Variants in NPAS2 observed in about 807,000 individuals in gnomAD.
NPAS2 encodes the protein neuronal PAS domain protein 2.
Under a neutral mutation model 107.5 loss-of-function variants are expected in NPAS2, and 23 were observed. The ratio of observed to expected loss-of-function variants is 0.21; its 90% confidence interval spans 0.15 to 0.30. NPAS2 has a LOEUF of 0.30. NPAS2 is among the 10% of genes least tolerant of loss of function. The pLI, the probability that NPAS2 is intolerant of heterozygous loss-of-function variation, is 1.00. For missense variants in NPAS2, 756 were observed against 1,043.3 expected (o/e 0.72, Z 3.79); for synonymous variants, 403 against 417.5 (o/e 0.97, Z 0.42).
intron 7 of NPAS2, among the ~76,000 whole-genome samples, chr2:100,960,017 CAT>C (rs1177606937): frequency 6.6e-6 from 1 of 152,204 alleles, no homozygotes; most frequent in Admixed American, 6.5e-5. Flanking sequence ...TTCCTGCCCT[CAT>C]AGTCATCTTT....
At chr2:100,818,835 G>A (rs1009720034), upstream of NPAS2, among the ~76,000 whole-genome samples, 1 of 152,230 alleles carries the variant, frequency 6.6e-6, no homozygotes, top group African/African-American at 2.4e-5. Flanking sequence ...GTGGGAGCGG[G>A]CAGGGGGACC....
chr2:100,905,706 G>T (rs1682105642), intron 2 of NPAS2, among the ~76,000 whole-genome samples: 1 of 152,156 alleles, frequency 6.6e-6, no homozygotes, highest in African/African-American at 2.4e-5. Context: ...CACTGCTTGT[G>T]TGTGGCAGGG....
At chr2:100,959,089 C>CAAAAAAAAA (rs758460503) in intron 7 of NPAS2, among the ~76,000 whole-genome samples, 8 of 47,684 alleles carry the variant, frequency 1.7e-4, no homozygotes, top group African/African-American at 6.3e-4. Flanking sequence ...CCCATCTCTT[C>CAAAAAAAAA]AAAAAAAAAA....
chr2:100,969,896 AC>A (rs1558923150), intron 11 of NPAS2, among the ~76,000 whole-genome samples: 1 of 152,220 alleles, frequency 6.6e-6, no homozygotes, highest in Non-Finnish European at 1.5e-5. Flanking sequence ...TTAGGGAACC[AC>A]CAATATGTCC....
intron 16 of NPAS2, 63 bp from the exon 17 acceptor site, chr2:100,988,016 G>C: frequency 6.5e-7 from 1 of 1,545,144 alleles, no homozygotes. Flanking sequence ...GAATGCAAAG[G>C]AGGTGCACAC....
intron 1 of NPAS2, among the ~76,000 whole-genome samples, chr2:100,875,865 C>T (rs867970781): frequency 1.3e-5 from 2 of 152,138 alleles, no homozygotes; most frequent in Non-Finnish European, 2.9e-5. Context: ...AAAACACCCA[C>T]ATGGAATCAA....
intron 1 of NPAS2, among the ~76,000 whole-genome samples, chr2:100,884,989 C>T (rs1337072286): frequency 6.6e-6 from 1 of 151,566 alleles, no homozygotes; most frequent in Non-Finnish European, 1.5e-5. Context: ...CACTCTTTCA[C>T]CCAGGCTAGA....
At chr2:100,822,539 C>T (rs1053816605) in intron 1 of NPAS2, 10 of 152,260 alleles carry the variant, frequency 6.6e-5, no homozygotes, top group Middle Eastern at 3.4e-3. Flanking sequence ...AACACTGCAA[C>T]TTATTAGATT....
intron 1 of NPAS2, among the ~76,000 whole-genome samples, chr2:100,861,098 C>A (rs1450209631): frequency 1.3e-5 from 2 of 151,952 alleles, no homozygotes; most frequent in African/African-American, 4.8e-5. Context: ...AACACCTGGC[C>A]TCAAGGGATC....
At chr2:100,952,708 A>G (rs1021728802) in intron 7 of NPAS2, among the ~76,000 whole-genome samples, 4 of 151,666 alleles carry the variant, frequency 2.6e-5, no homozygotes, top group African/African-American at 9.7e-5. Flanking sequence ...CATTTACCAC[A>G]TCTTGGAGGA....
At chr2:100,979,242 G>GA (rs1273210537) in intron 15 of NPAS2, among the ~76,000 whole-genome samples, 65 of 149,500 alleles carry the variant, frequency 4.3e-4, no homozygotes, top group African/African-American at 1.4e-3. Flanking sequence ...TAGGCCAAAA[G>GA]AAAAAAAAAC....
intron 7 of NPAS2, among the ~76,000 whole-genome samples, chr2:100,961,336 G>A (rs1204740435): frequency 6.6e-6 from 1 of 152,168 alleles, no homozygotes; most frequent in East Asian, 1.9e-4. Context: ...CTGGCAAAAT[G>A]TTCAAAGTAT....
intron 1 of NPAS2, among the ~76,000 whole-genome samples, chr2:100,832,998 A>G (rs576160634): frequency 9.2e-5 from 14 of 152,312 alleles, no homozygotes; most frequent in African/African-American, 3.1e-4. Flanking sequence ...TGTGTTTTCT[A>G]ACAGCTCAGA....
In NPAS2 at chr2:100,953,390, AC is replaced by A. The variant is rs138829194; in HGVS notation, c.598+3911del. Among the ~76,000 whole-genome samples the A allele has an allele frequency of 6.3e-4, 94 of 149,872 alleles. 1 individual carries two copies. The highest frequency in any genetic ancestry group is 1.1e-3 in the African/African-American group (44 of 40,928). On this transcript the variant is annotated intron_variant, in intron 7 of 20. Coordinates refer to ENST00000335681, the MANE Select transcript of NPAS2 (RefSeq NM_002518.4). The stretch of plus-strand genomic sequence containing the variant: ...CTCCATCTCATAAAAAAAAAAAAAA[AC>A]AAAAAAAACACCCTATAAAATTGCC...
chr2:100,891,588 A>C lies in NPAS2; in HGVS notation c.-22-13145A>C, dbSNP rs191616482. On this transcript the variant is annotated intron_variant, in intron 1 of 20. Coordinates refer to ENST00000335681, the MANE Select transcript of NPAS2 (RefSeq NM_002518.4). Reference sequence around the variant, plus strand: ...GATGAGGTCATCATGCCCAGGCTCCAAGGCCACCACACAAGTGAAGGCAAG... The same window carrying C: ...GATGAGGTCATCATGCCCAGGCTCCCAGGCCACCACACAAGTGAAGGCAAG... Among the ~76,000 whole-genome samples, 125 of 152,356 alleles carry C rather than the reference A, an allele frequency of 8.2e-4. 1 individual carries two copies. The highest frequency in any genetic ancestry group is 5.3e-3 in the Admixed American group (81 of 15,306).
intron 7 of NPAS2, among the ~76,000 whole-genome samples, chr2:100,951,624 T>C (rs996502459): frequency 1.3e-5 from 2 of 152,058 alleles, no homozygotes; most frequent in East Asian, 1.9e-4. Context: ...TGAGGTACCA[T>C]AGCCAAATTC....
chr2:100,853,265 C>A (rs1421590766), intron 1 of NPAS2, among the ~76,000 whole-genome samples: 6 of 152,184 alleles, frequency 3.9e-5, no homozygotes, highest in African/African-American at 1.4e-4. Flanking sequence ...AGTTGATAAG[C>A]AGTAAGCGAA....
chr2:100,870,189 G>T (rs535088881), intron 1 of NPAS2, among the ~76,000 whole-genome samples: 4 of 151,422 alleles, frequency 2.6e-5, no homozygotes, highest in African/African-American at 9.7e-5. Context: ...GTGAGCCACC[G>T]CACCTGGCCC....
intron 3 of NPAS2, among the ~76,000 whole-genome samples, chr2:100,928,420 G>A (rs1245277946): frequency 2.0e-5 from 3 of 151,778 alleles, no homozygotes; most frequent in Non-Finnish European, 4.4e-5. Context: ...AAATAGGACA[G>A]CTGGGATCAA....
Sources: allele counts gnomAD v4.1 joint callset (sites outside exome capture counted in the v4.1 genomes callset), GRCh38; gene constraint gnomAD v4.1.1; transcripts MANE v1.5; gene names NCBI Gene and HGNC (gene_info 2026-07-23, HGNC 2026-07-21).